The following NCF2 variants were observed in gnomAD, a reference collection of about 807,000 sequenced individuals.
The protein encoded by NCF2 is neutrophil cytosolic factor 2, also known as neutrophil cytosol factor 2.
In NCF2, 45 loss-of-function variants were observed where a neutral mutation model predicts 70.9. The observed-to-expected ratio is 0.63, with a 90% CI of 0.50 to 0.81. The LOEUF is 0.81. Among genes scored for constraint, NCF2 ranks in the 40% least tolerant of loss-of-function variants. The pLI is 0.00. For missense variants in NCF2, 522 were observed against 631.6 expected, an observed-to-expected ratio of 0.83 and a Z score of 1.86; for synonymous variants, 203 against 233.6, an observed-to-expected ratio of 0.87 and a Z score of 1.19.
At chr1:183,568,306 G>T (rs1672400440) in intron 7 of NCF2, among the ~76,000 whole-genome samples, 1 of 151,932 alleles carries the variant, frequency 6.6e-6, no homozygotes, top group Non-Finnish European at 1.5e-5. Flanking sequence ...GGTATTACAG[G>T]CACATGTCAG....
rs949635445 is a variant in NCF2 at position 183,574,635 on chromosome 1, G to A, written c.367-14C>T. The A allele has an allele frequency of 1.2e-6, 2 of 1,613,916 alleles. No homozygotes were observed. The highest frequency in any genetic ancestry group is 1.7e-6 in the Non-Finnish European group (2 of 1,179,948). On this transcript the variant is annotated splice_polypyrimidine_tract_variant and intron_variant, in intron 3 of 14. Transcript: ENST00000367535. ...GTTATATAACACCTAGAAAAGTACAGACCGCAACATAAAACTTGAGACTAC... is the reference window on the plus strand; with the variant it reads ...GTTATATAACACCTAGAAAAGTACAAACCGCAACATAAAACTTGAGACTAC...
intron 9 of NCF2, among the ~76,000 whole-genome samples, chr1:183,566,313 CAG>C (rs1672296742): frequency 6.6e-6 from 1 of 152,166 alleles, no homozygotes; most frequent in South Asian, 2.1e-4. Context: ...GGCAGAAGGA[CAG>C]ACTTTTGAAG....
chr1:183,590,581 A>G, upstream of NCF2: 1 of 558,316 alleles, frequency 1.8e-6, no homozygotes, highest in Non-Finnish European at 3.3e-6. Flanking sequence ...GCAGAGAGAG[A>G]GAGGGCGAGT....
chr1:183,599,433 T>TCTTTCTTTCTTTC, the NCF2 span, among the ~76,000 whole-genome samples: 76 of 92,396 alleles, frequency 8.2e-4, no homozygotes, highest in African/African-American at 2.8e-3. Context: ...CTTCTTTCTT[T>TCTTTCTTTCTTTC]CTTTCTTTCT....
At chr1:183,558,634 C>T (rs375646530) in intron 14 of NCF2, among the ~76,000 whole-genome samples, 9 of 151,912 alleles carry the variant, frequency 5.9e-5, no homozygotes, top group African/African-American at 1.9e-4. Flanking sequence ...GGTGCAATCT[C>T]GGCTCACTGC....
the NCF2 span, among the ~76,000 whole-genome samples, chr1:183,599,516 C>T: frequency 2.7e-5 from 3 of 109,392 alleles, no homozygotes; most frequent in South Asian, 2.9e-4. Context: ...TCCTTCCTTC[C>T]TTCTTTCTCT....
intron 14 of NCF2, among the ~76,000 whole-genome samples, chr1:183,558,135 A>G (rs1175173554): frequency 6.6e-6 from 1 of 151,748 alleles, no homozygotes; most frequent in African/African-American, 2.4e-5. Context: ...TGGCCTCCCA[A>G]AGTGCTGGGG....
At chr1:183,575,780 T>A (rs1380963574) in intron 3 of NCF2, among the ~76,000 whole-genome samples, 2 of 152,140 alleles carry the variant, frequency 1.3e-5, no homozygotes, top group Non-Finnish European at 2.9e-5. Context: ...AACTGAGGCC[T>A]CCTGCCAACA....
upstream of NCF2, among the ~76,000 whole-genome samples, chr1:183,593,584 C>G (rs1487172298): frequency 6.6e-6 from 1 of 152,302 alleles, no homozygotes; most frequent in Middle Eastern, 3.4e-3. Flanking sequence ...TTCCCCCAAG[C>G]CTGCCTGGCT....
At chr1:183,593,330 A>C (rs1673720587), upstream of NCF2, among the ~76,000 whole-genome samples, 1 of 152,136 alleles carries the variant, frequency 6.6e-6, no homozygotes, top group Admixed American at 6.5e-5. Flanking sequence ...CTCTCCATCC[A>C]GATTGAGCTT....
chr1:183,601,467 T>C, the NCF2 span, among the ~76,000 whole-genome samples: 2 of 152,224 alleles, frequency 1.3e-5, no homozygotes, highest in Non-Finnish European at 2.9e-5. Context: ...AGTCACAGTG[T>C]TTATTTATTC....
At chr1:183,578,547 G>A (rs548560095) in intron 2 of NCF2, among the ~76,000 whole-genome samples, 8 of 152,172 alleles carry the variant, frequency 5.3e-5, no homozygotes, top group Admixed American at 2.6e-4. Flanking sequence ...TATATTTTAA[G>A]TAGAGACCAG....
intron 1 of NCF2, among the ~76,000 whole-genome samples, chr1:183,589,716 C>T (rs1052038605): frequency 2.6e-5 from 4 of 152,150 alleles, no homozygotes; most frequent in African/African-American, 9.7e-5. Context: ...AAGTGCCTCC[C>T]TTAAATCTCT....
chr1:183,583,357 C>T (rs1294222509), intron 2 of NCF2, among the ~76,000 whole-genome samples: 1 of 152,128 alleles, frequency 6.6e-6, no homozygotes, highest in Non-Finnish European at 1.5e-5. Context: ...CCCAGCCAAT[C>T]TGAGGGAATT....
chr1:183,592,644 A>G (rs1673705837), upstream of NCF2, among the ~76,000 whole-genome samples: 4 of 152,236 alleles, frequency 2.6e-5, no homozygotes, highest in South Asian at 8.3e-4. Context: ...TATTCCATCT[A>G]GTGAATAAAT....
At position 183,570,824 on chromosome 1, in the gene NCF2, C is replaced by T; in HGVS notation, c.625G>A (p.Val209Met). The T allele has an allele frequency of 6.2e-7, 1 of 1,614,168 alleles. No individual in the cohort carries two copies. Among genetic ancestry groups the T allele is most frequent in the Non-Finnish European group, 8.5e-7 (1 of 1,180,032 alleles). The change falls in exon 6 of 15, where the codon GTG (valine) becomes ATG (methionine). Residue 209 changes from valine (V) to methionine (M), a missense_variant. Coordinates refer to ENST00000367535, the MANE Select transcript of NCF2 (RefSeq NM_000433.4). ...AACCCAGAGAAACTGTCTTGATCCA[C>T]CACAGATGCCACGACCTAAAATCAA... ...LGKATVVASV[V>M]DQDSFSGFAP...
chr1:183,590,088 T>C, intron 1 of NCF2, 68 bp downstream of exon 1: 1 of 1,606,484 alleles, frequency 6.2e-7, no homozygotes, highest in East Asian at 2.2e-5. Context: ...GTTTCCGAAA[T>C]GCAATGGGGT....
At chr1:183,596,581 G>T in the NCF2 span, among the ~76,000 whole-genome samples, 1 of 151,934 alleles carries the variant, frequency 6.6e-6, no homozygotes, top group South Asian at 2.1e-4. Flanking sequence ...AGACCAGCCT[G>T]ACCAACATGG....
intron 10 of NCF2, 108 bp from the exon 11 acceptor site, chr1:183,564,138 C>G: frequency 6.5e-6 from 7 of 1,084,594 alleles, no homozygotes; most frequent in Non-Finnish European, 8.6e-6. Context: ...CCCCCAACCT[C>G]TTACCCTTTA....
Sources: gnomAD v4.1 joint callset for allele counts (sites outside exome capture counted in the v4.1 genomes callset) on GRCh38, gnomAD v4.1.1 for gene constraint, MANE v1.5 for transcripts, NCBI Gene and HGNC (gene_info 2026-07-23, HGNC 2026-07-21) for gene names.